The following NCKAP5 variants were observed in gnomAD, a reference collection of about 807,000 sequenced individuals.
The protein encoded by NCKAP5 is NCK associated protein 5.
Under a neutral mutation model 167.0 loss-of-function variants are expected in NCKAP5, and 92 were observed. The ratio of observed to expected loss-of-function variants is 0.55; its 90% confidence interval spans 0.47 to 0.66. The LOEUF (loss-of-function observed/expected upper bound fraction) is 0.66. Among genes scored for constraint, NCKAP5 ranks in the 30% least tolerant of loss-of-function variants. The pLI, the probability that NCKAP5 is intolerant of heterozygous loss-of-function variation, is 0.00. For synonymous variants in NCKAP5, 891 were observed against 877.4 expected, an observed-to-expected ratio of 1.02 and a Z score of -0.27; for missense variants, 2,378 against 2,315.0, an observed-to-expected ratio of 1.03 and a Z score of -0.56.
At chr2:132,804,979 G>A (rs1685322820) in intron 11 of NCKAP5, among the ~76,000 whole-genome samples, 1 of 151,902 alleles carries the variant, frequency 6.6e-6, no homozygotes, top group African/African-American at 2.4e-5. Flanking sequence ...AAATCCTATG[G>A]AAGTAGCTTA....
chr2:133,157,276 C>T (rs2083610167), intron 5 of NCKAP5, among the ~76,000 whole-genome samples: 2 of 152,186 alleles, frequency 1.3e-5, no homozygotes, highest in African/African-American at 4.8e-5. Context: ...ACCTCAAGCA[C>T]AGTCATTGGA....
chr2:133,662,089 T>G, the NCKAP5 span, among the ~76,000 whole-genome samples: 27 of 152,324 alleles, frequency 1.8e-4, no homozygotes, highest in South Asian at 5.2e-3. Context: ...TGTAAATATT[T>G]GTCCTGTCTG....
At chr2:133,089,082 T>C (rs1480435827) in intron 6 of NCKAP5, among the ~76,000 whole-genome samples, 1 of 152,192 alleles carries the variant, frequency 6.6e-6, no homozygotes, top group Non-Finnish European at 1.5e-5. Flanking sequence ...TTCCTATAAA[T>C]GACCCAAGAC....
At chr2:132,711,047 G>A (rs1389310533) in intron 19 of NCKAP5, among the ~76,000 whole-genome samples, 1 of 152,184 alleles carries the variant, frequency 6.6e-6, no homozygotes, top group Non-Finnish European at 1.5e-5. Context: ...TACCTCCTGC[G>A]TGCCGGGCAC....
intron 3 of NCKAP5, among the ~76,000 whole-genome samples, chr2:133,486,310 T>C (rs970072844): frequency 9.9e-5 from 15 of 152,246 alleles, no homozygotes; most frequent in African/African-American, 3.4e-4. Flanking sequence ...AGAAAGGTCT[T>C]AGGTTAGACA....
At chr2:133,388,962 T>C (rs1428435656) in intron 3 of NCKAP5, among the ~76,000 whole-genome samples, 1 of 152,242 alleles carries the variant, frequency 6.6e-6, no homozygotes, top group African/African-American at 2.4e-5. Context: ...TGAAAGGGAA[T>C]TCCCTGACCC....
chr2:133,213,849 A>T (rs1160286825), intron 4 of NCKAP5, 70 bp from the exon 5 acceptor site: 7 of 1,494,682 alleles, frequency 4.7e-6, no homozygotes, highest in Non-Finnish European at 5.6e-6. Flanking sequence ...TGGCCGTGAA[A>T]CATTCTTTTG....
intron 5 of NCKAP5, among the ~76,000 whole-genome samples, chr2:133,198,099 C>T (rs554539449): frequency 6.6e-6 from 1 of 152,048 alleles, no homozygotes; most frequent in Admixed American, 6.6e-5. Flanking sequence ...TGGAGATGAT[C>T]AAGAATCAAT....
At chr2:133,257,234 T>G (rs2088661953) in intron 4 of NCKAP5, among the ~76,000 whole-genome samples, 2 of 152,174 alleles carry the variant, frequency 1.3e-5, no homozygotes, top group African/African-American at 4.8e-5. Context: ...CCATGTGAAG[T>G]GCCAACAAGC....
At chr2:133,072,872 A>G (rs1334243808) in intron 6 of NCKAP5, among the ~76,000 whole-genome samples, 3 of 152,212 alleles carry the variant, frequency 2.0e-5, no homozygotes, top group Admixed American at 6.5e-5. Context: ...ATAGGAAAGG[A>G]AGCCTCAAAA....
At chr2:133,197,795 A>G (rs555534689) in intron 5 of NCKAP5, among the ~76,000 whole-genome samples, 3 of 152,090 alleles carry the variant, frequency 2.0e-5, no homozygotes, top group Non-Finnish European at 4.4e-5. Flanking sequence ...CTAAAAATAC[A>G]AACAATTAGC....
intron 4 of NCKAP5, among the ~76,000 whole-genome samples, chr2:133,220,768 G>A (rs2086627062): frequency 6.6e-6 from 1 of 152,176 alleles, no homozygotes; most frequent in Admixed American, 6.5e-5. Context: ...TCAGGCTGCA[G>A]GGTGCTACAG....
At chr2:133,323,821 T>C (rs929344826) in intron 3 of NCKAP5, among the ~76,000 whole-genome samples, 2 of 152,216 alleles carry the variant, frequency 1.3e-5, no homozygotes, top group African/African-American at 4.8e-5. Flanking sequence ...TGGACACCTG[T>C]TATAAATAAA....
chr2:133,129,427 T>A (rs956836508), intron 6 of NCKAP5, among the ~76,000 whole-genome samples: 2 of 152,310 alleles, frequency 1.3e-5, no homozygotes, highest in African/African-American at 4.8e-5. Context: ...ACATGAACTC[T>A]TCATTTTTTA....
intron 4 of NCKAP5, among the ~76,000 whole-genome samples, chr2:133,288,148 C>A (rs1679294905): frequency 6.6e-6 from 1 of 151,874 alleles, no homozygotes; most frequent in Non-Finnish European, 1.5e-5. Flanking sequence ...TTTTTTTATT[C>A]TGAGCATGGG....
rs142967350 is a variant in NCKAP5, at chr2:133,121,777, A to G, written c.341+8201T>C. 8.3e-4 allele frequency among the ~76,000 whole-genome samples: 127 copies of G among 152,278 alleles called. 3 individuals carry two copies. The East Asian group carries it at 0.023, about 27-fold the overall frequency. ...AAGGTAAACACTCTAAGACCTGGAC[A>G]TGAATGTTGATAGCAGCTTTAATCA... On this transcript the variant is annotated intron_variant, in intron 6 of 19. Transcript: ENST00000409261.
At chr2:132,827,688 G>C (rs971647255) in intron 11 of NCKAP5, among the ~76,000 whole-genome samples, 2 of 152,088 alleles carry the variant, frequency 1.3e-5, no homozygotes, top group African/African-American at 4.8e-5. Flanking sequence ...TCATCTATGT[G>C]CTATAAAAAA....
intron 7 of NCKAP5, among the ~76,000 whole-genome samples, chr2:132,965,905 T>TGTGTGTGTGC (rs2076648908): frequency 1.3e-5 from 1 of 78,288 alleles, no homozygotes; most frequent in African/African-American, 1.3e-4. Flanking sequence ...CATGACTCTT[T>TGTGTGTGTGC]GTGTGTGTGT....
chr2:132,805,612 C>A, intron 11 of NCKAP5, among the ~76,000 whole-genome samples: 1 of 148,588 alleles, frequency 6.7e-6, no homozygotes, highest in Non-Finnish European at 1.5e-5. Flanking sequence ...TCCATGGAAG[C>A]ATAATTCCAT....
Sources: allele counts gnomAD v4.1 joint callset (sites outside exome capture counted in the v4.1 genomes callset), GRCh38; gene constraint gnomAD v4.1.1; transcripts MANE v1.5; gene names NCBI Gene and HGNC (gene_info 2026-07-23, HGNC 2026-07-21).